The following MICU1 variants were observed in gnomAD, a reference collection of about 807,000 sequenced individuals.
MICU1 encodes the protein calcium uptake protein 1, mitochondrial.
A neutral mutation model predicts 56.8 loss-of-function variants in MICU1; 45 were observed. That is an observed-to-expected ratio of 0.79 (90% CI 0.62 to 1.02). The LOEUF (loss-of-function observed/expected upper bound fraction) is 1.02, where lower values mean the gene tolerates loss of function less well. Among genes scored for constraint, MICU1 ranks in the 50% least tolerant of loss-of-function variants. The probability of loss-of-function intolerance (pLI) is 0.00; values close to 1 mark genes in which losing one functional copy is unlikely to be tolerated. For missense variants in MICU1, 504 were observed against 587.1 expected, an observed-to-expected ratio of 0.86 and a Z score of 1.46; for synonymous variants, 186 against 195.1, an observed-to-expected ratio of 0.95 and a Z score of 0.39.
chr10:72,493,101 C>G (rs1041535387), intron 6 of MICU1, among the ~76,000 whole-genome samples: 3 of 152,066 alleles, frequency 2.0e-5, no homozygotes, highest in Non-Finnish European at 4.4e-5. Flanking sequence ...TGCTTACCCC[C>G]CAAACATCCT....
chr10:72,613,810 C>A lies in MICU1; in HGVS notation c.-2+12200G>T, dbSNP rs1279853097. On this transcript the variant is annotated intron_variant, in intron 1 of 11. Transcript: ENST00000361114. ...ATCTAGAAGAGTTCCTCATACATAA[C>A]CTTTTTCTCCCCTTACAACTCTAGT... is the stretch of plus-strand genomic sequence containing the variant. Among the ~76,000 whole-genome samples, 3 of 152,030 alleles carry A rather than the reference C, an allele frequency of 2.0e-5. 1 individual carries two copies. Among genetic ancestry groups the A allele is most frequent in the Admixed American group, 6.6e-5 (1 of 15,250 alleles).
intron 1 of MICU1, among the ~76,000 whole-genome samples, chr10:72,574,716 T>C (rs183797987): frequency 1.3e-5 from 2 of 152,242 alleles, no homozygotes; most frequent in East Asian, 1.9e-4. Flanking sequence ...AATTATAATC[T>C]AGAATGCATG....
In MICU1 at chr10:72,481,268, T is replaced by C. The variant is rs141941657; in HGVS notation, c.653-4012A>G. On this transcript the variant is annotated intron_variant, in intron 6 of 11. Transcript: ENST00000361114. ...GTCAAGCGATTCTCTTGTAAACTTA[T>C]TTGTCTCCTCTCAAATGTAGCCTTC... Among the ~76,000 whole-genome samples, 422 of 152,314 alleles carry C rather than the reference T, an allele frequency of 2.8e-3. 2 individuals are homozygous for C. The highest frequency in any genetic ancestry group is 9.6e-3 in the African/African-American group (399 of 41,574).
At chr10:72,387,472 G>C (rs137888606) in intron 10 of MICU1, among the ~76,000 whole-genome samples, 115 of 152,278 alleles carry the variant, frequency 7.6e-4, no homozygotes, top group African/African-American at 2.7e-3. Context: ...TAGAAAACAT[G>C]GTTCAAGTCT....
rs1320606721 is a variant in MICU1 at position 72,569,225 on chromosome 10, A to ATTTTTTTTTTT, written c.-1-2432_-1-2431insAAAAAAAAAAA. 7.4e-5 allele frequency among the ~76,000 whole-genome samples: 3 copies of ATTTTTTTTTTT among 40,504 alleles called. 1 individual carries two copies. The highest frequency in any genetic ancestry group is 3.6e-4 in the African/African-American group (3 of 8,450). The allele number at this position is 40,504 out of a possible 152,430, so 26.6% of individuals were successfully genotyped here. ...TATATGCATATATATATATATATAT[A>ATTTTTTTTTTT]TATATATATATATTTTTTTTTTTTT... On this transcript the variant is annotated intron_variant, in intron 1 of 11. Transcript: ENST00000361114.
At chr10:72,625,517 C>T (rs1203101115) in intron 1 of MICU1, among the ~76,000 whole-genome samples, 2 of 152,218 alleles carry the variant, frequency 1.3e-5, no homozygotes, top group Non-Finnish European at 2.9e-5. Context: ...ACTGAACAGT[C>T]CGAGTAGCCT....
intron 4 of MICU1, among the ~76,000 whole-genome samples, chr10:72,544,675 G>C (rs1028164500): frequency 6.6e-6 from 1 of 152,198 alleles, no homozygotes; most frequent in Non-Finnish European, 1.5e-5. Flanking sequence ...TCAAAGCCCA[G>C]AGCCTGAAGC....
chr10:72,610,034 TAA>T (rs1353955013), intron 1 of MICU1, among the ~76,000 whole-genome samples: 1 of 140,254 alleles, frequency 7.1e-6, no homozygotes. Context: ...AGACTCCATC[TAA>T]AAAAAAAAAG....
intron 6 of MICU1, among the ~76,000 whole-genome samples, chr10:72,503,425 T>C (rs1038981036): frequency 6.6e-6 from 1 of 152,144 alleles, no homozygotes. Context: ...CAGTTTTGCT[T>C]GTCATAGCTG....
In MICU1 at chr10:72,585,082, G is replaced by GT. The variant is rs1277125614; in HGVS notation, c.-1-18289dup. 4.3e-3 allele frequency among the ~76,000 whole-genome samples: 603 copies of GT among 141,004 alleles called. 3 individuals are homozygous for GT. The highest frequency in any genetic ancestry group is 6.2e-3 in the Non-Finnish European group (396 of 63,954). The allele number at this position is 141,004 out of a possible 152,430, so 92.5% of individuals were successfully genotyped here. ...CTCTCTCAAACATCTTTGGTTTTAG[G>GT]TTTTTTTTTTTGTTTTTTTTTTTGA... On this transcript the variant is annotated intron_variant, in intron 1 of 11. Transcript: ENST00000361114.
intron 1 of MICU1, among the ~76,000 whole-genome samples, chr10:72,601,321 G>A (rs1213142753): frequency 6.6e-6 from 1 of 151,626 alleles, no homozygotes; most frequent in Non-Finnish European, 1.5e-5. Flanking sequence ...CTACTCAAGA[G>A]GCTGAGGTGG....
intron 4 of MICU1, among the ~76,000 whole-genome samples, chr10:72,540,267 CAAAAAAAAAA>C (rs11287541): frequency 1.2e-5 from 1 of 85,464 alleles, no homozygotes; most frequent in Non-Finnish European, 2.3e-5. Flanking sequence ...AACTCCATCT[CAAAAAAAAAA>C]AAAAAAAAAG....
intron 5 of MICU1, among the ~76,000 whole-genome samples, chr10:72,520,595 G>A (rs1338546146): frequency 6.6e-6 from 1 of 152,054 alleles, no homozygotes; most frequent in Non-Finnish European, 1.5e-5. Context: ...ATGCCAGAAA[G>A]CAATTCTCTT....
chr10:72,472,715 T>C (rs2132262679), intron 8 of MICU1, among the ~76,000 whole-genome samples: 1 of 152,326 alleles, frequency 6.6e-6, no homozygotes, highest in South Asian at 2.1e-4. Flanking sequence ...ACTGAGACTT[T>C]AAGTGAAACA....
chr10:72,424,641 C>T (rs564409799), intron 8 of MICU1, among the ~76,000 whole-genome samples: 6 of 152,126 alleles, frequency 3.9e-5, no homozygotes, highest in South Asian at 2.1e-4. Context: ...TAACAGCCTA[C>T]AGAGCAGCTA....
At chr10:72,429,423 A>AAG (rs1864453474) in intron 8 of MICU1, among the ~76,000 whole-genome samples, 1 of 151,200 alleles carries the variant, frequency 6.6e-6, no homozygotes, top group African/African-American at 2.4e-5. Context: ...CTGCCTCAAA[A>AAG]AAAAAAAAAA....
intron 1 of MICU1, among the ~76,000 whole-genome samples, chr10:72,571,405 G>T (rs1487666293): frequency 6.6e-6 from 1 of 152,070 alleles, no homozygotes; most frequent in Non-Finnish European, 1.5e-5. Context: ...ATATAAGCCT[G>T]GAAGATAAAT....
At chr10:72,382,345 C>A (rs1168234220) in intron 10 of MICU1, among the ~76,000 whole-genome samples, 1 of 151,474 alleles carries the variant, frequency 6.6e-6, no homozygotes, top group Non-Finnish European at 1.5e-5. Context: ...CTCCTGACCT[C>A]AGGTGATCCA....
At chr10:72,473,982 T>C (rs542810913) in intron 8 of MICU1, among the ~76,000 whole-genome samples, 15 of 151,494 alleles carry the variant, frequency 9.9e-5, no homozygotes, top group African/African-American at 2.9e-4. Context: ...AGAGGCCGGG[T>C]GCGGTGGCTC....
Sources: gnomAD v4.1 joint callset for allele counts (sites outside exome capture counted in the v4.1 genomes callset) on GRCh38, gnomAD v4.1.1 for gene constraint, MANE v1.5 for transcripts, NCBI Gene and HGNC (gene_info 2026-07-23, HGNC 2026-07-21) for gene names.